Variants in CLUAP1 observed in about 807,000 individuals in gnomAD.
CLUAP1 encodes the protein intraflagellar transport 38.
CLUAP1 carries 50 observed loss-of-function variants against 55.0 expected under a neutral mutation model. That is an observed-to-expected ratio of 0.91 (90% CI 0.72 to 1.15). CLUAP1 has a LOEUF of 1.15. CLUAP1 is among the 50% of genes most tolerant of loss of function. CLUAP1 has a pLI of 0.00. For missense variants in CLUAP1, 530 were observed against 507.6 expected, an observed-to-expected ratio of 1.04 and a Z score of -0.42; for synonymous variants, 195 against 175.4, an observed-to-expected ratio of 1.11 and a Z score of -0.88.
chr16:3,496,787 G>C (rs780697173), upstream of CLUAP1: 6 of 401,030 alleles, frequency 1.5e-5, no homozygotes, highest in Non-Finnish European at 3.0e-5. Context: ...TTATTAAAAA[G>C]ATTTTGGATG....
chr16:3,529,413 A>ATATATTATTATATATAATATATATTATAT (rs2038012135), intron 9 of CLUAP1, among the ~76,000 whole-genome samples: 1 of 96,134 alleles, frequency 1.0e-5, no homozygotes, highest in Non-Finnish European at 1.9e-5. Context: ...TATATATGTC[A>ATATATTATTATATATAATATATATTATAT]TATATATTAT....
intron 8 of CLUAP1, among the ~76,000 whole-genome samples, chr16:3,523,792 C>A (rs2037885800): frequency 1.3e-5 from 2 of 152,078 alleles, no homozygotes; most frequent in African/African-American, 4.8e-5. Flanking sequence ...TGGTGAAACC[C>A]CTCCTCTCAT....
At position 3,506,365 on chromosome 16, in the gene CLUAP1, G is replaced by T. The variant is rs757623009; in HGVS notation, c.169G>T (p.Asp57Tyr). ...EPQTDIPPDVDTEQDRVFFIK... is the reference protein window; with the variant it reads ...EPQTDIPPDVYTEQDRVFFIK... ...CCAGACTGACATCCCGCCTGACGTG[G>T]ATACTGAACAGGACCGAGTTTTCTT... Residue 57 changes from aspartate (D) to tyrosine (Y), a missense_variant, in exon 3 of 12, where the codon GAT (aspartate) becomes TAT (tyrosine). Asp to Tyr is a radical substitution (Grantham distance 160). Coordinates refer to ENST00000576634, the MANE Select transcript of CLUAP1 (RefSeq NM_015041.3). 6.2e-7 allele frequency: 1 copy of T among 1,614,084 alleles called. No homozygotes were observed. The highest frequency in any genetic ancestry group is 8.5e-7 in the Non-Finnish European group (1 of 1,179,990).
At chr16:3,514,426 G>A (rs957171718) in intron 5 of CLUAP1, among the ~76,000 whole-genome samples, 16 of 152,120 alleles carry the variant, frequency 1.1e-4, no homozygotes, top group African/African-American at 3.6e-4. Context: ...TCAGCCACAG[G>A]CAAGGCACTG....
At position 3,536,187 on chromosome 16, in the gene CLUAP1, C is replaced by T. The variant is rs377448455; in HGVS notation, c.1158C>T (p.Asp386=). The T allele has an allele frequency of 2.4e-5, 39 of 1,614,102 alleles. No homozygotes were observed. The highest frequency in any genetic ancestry group is 6.7e-5 in the Admixed American group (4 of 60,012). ...DDDDEDDDLE[D]ESISLSPTKP... ...ATGACGAGGATGACGATTTGGAAGA[C>T]GAGAGCATTTCTCTCTCACCAACCA... The change falls in exon 12 of 12, where the codon GAC becomes GAT. Residue 386 remains aspartate (D), a synonymous_variant. Transcript: ENST00000576634.
rs2038260454 is a variant in CLUAP1, at chr16:3,537,715, T to G, written c.*1444T>G. On this transcript the variant is annotated 3_prime_UTR_variant, in exon 12 of 12. Coordinates refer to ENST00000576634, the MANE Select transcript of CLUAP1 (RefSeq NM_015041.3). ...CACGCTGCTTGTAAAAAGCGTACAG[T>G]AGGTCAGGCGTGGTGGCTCATGCCT... is the stretch of plus-strand genomic sequence containing the variant. The G allele has an allele frequency of 6.6e-6, 1 of 151,436 alleles. No individual in the cohort carries two copies. Among genetic ancestry groups the G allele is most frequent in the African/African-American group, 2.4e-5 (1 of 41,172 alleles). The allele number at this position is 151,436 out of a possible 1,614,324, so 9.4% of individuals were successfully genotyped here. A position where few individuals can be genotyped will look rare whatever the true frequency, so the allele number is the denominator to read the frequency against.
chr16:3,531,382 C>T (rs986634490), intron 10 of CLUAP1, among the ~76,000 whole-genome samples: 9 of 152,008 alleles, frequency 5.9e-5, no homozygotes, highest in African/African-American at 1.9e-4. Flanking sequence ...ATTAGTTGGG[C>T]GCAATGGCGG....
intron 3 of CLUAP1, 48 bp from the exon 4 acceptor site, chr16:3,508,241 T>A (rs1209838403): frequency 1.3e-6 from 2 of 1,536,104 alleles, no homozygotes; most frequent in East Asian, 4.6e-5. Flanking sequence ...AGTTTAGACA[T>A]TACATGGAAA....
At chr16:3,523,403 A>G in intron 8 of CLUAP1, 104 bp downstream of exon 8, 5 of 1,323,034 alleles carry the variant, frequency 3.8e-6, no homozygotes, top group East Asian at 2.4e-5. Context: ...ATATCAGTAC[A>G]TGTTTTTTCT....
chr16:3,496,299 A>G (rs541832301), upstream of CLUAP1: 37 of 902,950 alleles, frequency 4.1e-5, no homozygotes, highest in East Asian at 1.1e-3. Flanking sequence ...GTCAAGCTGT[A>G]CAGGTTACCG....
At chr16:3,532,894 C>A in intron 11 of CLUAP1, 53 bp downstream of exon 11, 2 of 1,593,700 alleles carry the variant, frequency 1.3e-6, no homozygotes, top group Non-Finnish European at 1.7e-6. Context: ...TTGGCTGTCC[C>A]CATAGATGGG....
At position 3,519,090 on chromosome 16, in the gene CLUAP1, G is replaced by T. The variant is rs939839968; in HGVS notation, c.580-813G>T. ...GCCTGAACCCCAGGCATGTGATCCA[G>T]CCAGCCACCGGACAAGACGCATGTG... On this transcript the variant is annotated intron_variant, in intron 6 of 11. Coordinates refer to ENST00000576634, the MANE Select transcript of CLUAP1 (RefSeq NM_015041.3). Among the ~76,000 whole-genome samples, 22 of 152,338 alleles carry T rather than the reference G, an allele frequency of 1.4e-4. 1 individual carries two copies. The highest frequency in any genetic ancestry group is 1.2e-3 in the South Asian group (6 of 4,822).
At chr16:3,500,601 C>A (rs561925031), upstream of CLUAP1, among the ~76,000 whole-genome samples, 6 of 152,268 alleles carry the variant, frequency 3.9e-5, no homozygotes, top group South Asian at 8.3e-4. Context: ...GAACTCCTGA[C>A]CTCAAGTGAT....
chr16:3,513,664 G>T (rs1052775315), intron 5 of CLUAP1, among the ~76,000 whole-genome samples: 1 of 152,084 alleles, frequency 6.6e-6, no homozygotes, highest in Non-Finnish European at 1.5e-5. Context: ...TGGCCAGGTT[G>T]GTCTCAAACT....
intron 1 of CLUAP1, among the ~76,000 whole-genome samples, chr16:3,503,559 G>C (rs1325602753): frequency 6.6e-6 from 1 of 151,820 alleles, no homozygotes; most frequent in East Asian, 2.0e-4. Context: ...GGCTCCCAAA[G>C]TGCTGAGATT....
chr16:3,529,813 TTATAA>T (rs1409009921), intron 9 of CLUAP1, among the ~76,000 whole-genome samples: 7 of 36,678 alleles, frequency 1.9e-4, no homozygotes, highest in South Asian at 1.5e-3. Flanking sequence ...TATATATATA[TTATAA>T]TATAATATAT....
At chr16:3,520,608 C>T (rs914473617) in intron 7 of CLUAP1, among the ~76,000 whole-genome samples, 1 of 152,094 alleles carries the variant, frequency 6.6e-6, no homozygotes, top group Non-Finnish European at 1.5e-5. Flanking sequence ...GCTTTTATAG[C>T]TTCTTGGAAC....
chr16:3,529,292 A>G (rs962524296), intron 9 of CLUAP1, among the ~76,000 whole-genome samples: 9 of 146,962 alleles, frequency 6.1e-5, no homozygotes, highest in African/African-American at 2.3e-4. Flanking sequence ...TGAACTTTGT[A>G]GATTTTTTTT....
At chr16:3,521,078 C>T (rs1207255623) in intron 7 of CLUAP1, among the ~76,000 whole-genome samples, 1 of 152,084 alleles carries the variant, frequency 6.6e-6, no homozygotes, top group African/African-American at 2.4e-5. Flanking sequence ...ACAGCAACCA[C>T]AGGGAGCGCC....
Sources: gnomAD v4.1 joint callset for allele counts (sites outside exome capture counted in the v4.1 genomes callset) on GRCh38, gnomAD v4.1.1 for gene constraint, MANE v1.5 for transcripts, NCBI Gene and HGNC (gene_info 2026-07-23, HGNC 2026-07-21) for gene names.